The following SGTB variants were observed in gnomAD, a reference collection of about 807,000 sequenced individuals.
SGTB encodes small glutamine rich tetratricopeptide repeat co-chaperone beta.
In SGTB, 19 loss-of-function variants were observed where a neutral mutation model predicts 43.9. That is an observed-to-expected ratio of 0.43 (90% CI 0.30 to 0.63). SGTB has a LOEUF of 0.63. Among genes scored for constraint, SGTB ranks in the 30% least tolerant of loss-of-function variants. The pLI is 0.12. For missense variants in SGTB, 304 were observed against 358.9 expected (o/e 0.85, Z 1.24); for synonymous variants, 116 against 117.3 (o/e 0.99, Z 0.07).
chr5:65,713,123 T>G, intron 2 of SGTB, 59 bp from the exon 3 acceptor site: 1 of 1,305,800 alleles, frequency 7.7e-7, no homozygotes, highest in Non-Finnish European at 1.1e-6. Flanking sequence ...AAACAAGTTT[T>G]TTTTTTCTGA....
intron 4 of SGTB, 103 bp from the exon 5 acceptor site, chr5:65,704,481 C>T (rs886554795): frequency 1.7e-5 from 14 of 845,024 alleles, no homozygotes; most frequent in Admixed American, 3.8e-5. Context: ...ATATGAAAGT[C>T]GGCCTCATGA....
chr5:65,720,897 A>G, intron 1 of SGTB, 68 bp from the exon 2 acceptor site: 1 of 1,500,142 alleles, frequency 6.7e-7, no homozygotes, highest in Non-Finnish European at 9.0e-7. Flanking sequence ...GTCATAAATT[A>G]CAAAGATGAT....
At chr5:65,716,654 G>A (rs754758793) in intron 2 of SGTB, among the ~76,000 whole-genome samples, 34 of 152,266 alleles carry the variant, frequency 2.2e-4, no homozygotes, top group Non-Finnish European at 4.1e-4. Flanking sequence ...CAGAGATTGG[G>A]AAATTGCATA....
At chr5:65,711,278 T>A (rs1194372108) in intron 3 of SGTB, among the ~76,000 whole-genome samples, 3 of 150,816 alleles carry the variant, frequency 2.0e-5, no homozygotes, top group Non-Finnish European at 2.9e-5. Flanking sequence ...TATAATTAAA[T>A]GCAATCAGGG....
rs1490617896 is a variant in SGTB, at chr5:65,668,936, T to C, written c.*1310A>G. The C allele has an allele frequency of 1.3e-5, 2 of 152,050 alleles. No homozygotes were observed. Among genetic ancestry groups the C allele is most frequent in the Non-Finnish European group, 2.9e-5 (2 of 67,998 alleles). The allele number at this position is 152,050 out of a possible 1,614,324, so 9.4% of individuals were successfully genotyped here. ...ACCCCACAAAATTTATATTACTTCC[T>C]TTTTCAGTTTTCCCTCGTAAAACTT... On this transcript the variant is annotated 3_prime_UTR_variant, in exon 11 of 11. Coordinates refer to ENST00000381007, the MANE Select transcript of SGTB (RefSeq NM_019072.3).
chr5:65,671,136 T>G (rs556820494), intron 10 of SGTB, among the ~76,000 whole-genome samples: 1 of 152,308 alleles, frequency 6.6e-6, no homozygotes, highest in South Asian at 2.1e-4. Flanking sequence ...GTACCTAAAT[T>G]GATATATATT....
At chr5:65,681,157 T>C (rs747306972) in intron 6 of SGTB, among the ~76,000 whole-genome samples, 13 of 152,206 alleles carry the variant, frequency 8.5e-5, no homozygotes, top group African/African-American at 1.9e-4. Context: ...CATAAATCCA[T>C]GATGCTAACA....
intron 6 of SGTB, among the ~76,000 whole-genome samples, chr5:65,683,808 TG>T (rs1757446483): frequency 6.6e-6 from 1 of 151,948 alleles, no homozygotes; most frequent in South Asian, 2.1e-4. Flanking sequence ...TAGCTGGGCA[TG>T]GTGGCGGGTG....
rs979628710 is a variant in SGTB at position 65,670,100 on chromosome 5, A to G, written c.*146T>C. 1.6e-6 allele frequency: 1 copy of G among 612,874 alleles called. No individual in the cohort carries two copies. Among genetic ancestry groups the G allele is most frequent in the Non-Finnish European group, 2.8e-6 (1 of 357,274 alleles). The allele number at this position is 612,874 out of a possible 1,614,324, so 38.0% of individuals were successfully genotyped here. ...GTCTAAACAGATTTATTCTTTAAGA[A>G]TATACACAAGAGGTTTTCCTCCATT... On this transcript the variant is annotated 3_prime_UTR_variant, in exon 11 of 11. Transcript: ENST00000381007.
chr5:65,679,737 T>C (rs1454344088), intron 8 of SGTB, among the ~76,000 whole-genome samples: 5 of 152,198 alleles, frequency 3.3e-5, no homozygotes, highest in East Asian at 1.9e-4. Context: ...AGTTCAACCA[T>C]TGTGGAAGAC....
At chr5:65,687,760 T>C (rs903938386) in intron 5 of SGTB, among the ~76,000 whole-genome samples, 3 of 152,148 alleles carry the variant, frequency 2.0e-5, no homozygotes, top group African/African-American at 7.2e-5. Flanking sequence ...GGGAGTTTTT[T>C]GTTATTGTTG....
At position 65,668,824 on chromosome 5, in the gene SGTB, C is replaced by T. The variant is rs1295140450; in HGVS notation, c.*1422G>A. On this transcript the variant is annotated 3_prime_UTR_variant, in exon 11 of 11. Transcript: ENST00000381007. ...TTGGGAGCTTAAGGCTCGAGAATCA[C>T]TTGAATCCAGGAGGTGGAGGTTGCA... 1 of 151,976 alleles carries T rather than the reference C, an allele frequency of 6.6e-6. No homozygotes were observed. The highest frequency in any genetic ancestry group is 1.9e-4 in the East Asian group (1 of 5,186). 9.4% of individuals were successfully genotyped at this position (151,976 alleles called of 1,614,324 possible). A position where few individuals can be genotyped will look rare whatever the true frequency, so the allele number is the denominator to read the frequency against.
At chr5:65,679,859 C>T (rs75338894) in intron 8 of SGTB, among the ~76,000 whole-genome samples, 5,302 of 152,248 alleles carry the variant, frequency 0.035, 314 homozygotes, top group African/African-American at 0.12. Context: ...AATACACATT[C>T]GTACGTATGT....
chr5:65,693,403 G>T (rs1232322805), intron 5 of SGTB, among the ~76,000 whole-genome samples: 1 of 82,546 alleles, frequency 1.2e-5, no homozygotes, highest in African/African-American at 4.2e-5. Flanking sequence ...AGGAAAGAAG[G>T]AAGGAAGGAA....
rs567149662 is a variant in SGTB, at chr5:65,691,925, C to T, written c.375-6453G>A. Among the ~76,000 whole-genome samples the T allele has an allele frequency of 4.0e-4, 57 of 141,392 alleles. 1 individual carries two copies. The highest frequency in any genetic ancestry group is 1.1e-3 in the Admixed American group (15 of 13,966). 92.8% of individuals were successfully genotyped at this position (141,392 alleles called of 152,430 possible). On this transcript the variant is annotated intron_variant, in intron 5 of 10. Transcript: ENST00000381007. ...CAGCCTGGGTGACAGACCGAGACTT[C>T]GTCTTAAAGAAAAAAAAAAAAAAAA...
chr5:65,698,141 G>C (rs1757745976), intron 5 of SGTB, among the ~76,000 whole-genome samples: 1 of 152,082 alleles, frequency 6.6e-6, no homozygotes, highest in African/African-American at 2.4e-5. Context: ...GGCTAGGATG[G>C]TAATTTTCAA....
intron 5 of SGTB, among the ~76,000 whole-genome samples, chr5:65,699,412 T>TA (rs1263259601): frequency 3.3e-5 from 5 of 152,170 alleles, no homozygotes; most frequent in African/African-American, 1.2e-4. Context: ...AGATGAGAGA[T>TA]AAAAAACTAC....
intron 5 of SGTB, among the ~76,000 whole-genome samples, chr5:65,690,054 G>A (rs1757576057): frequency 6.9e-6 from 1 of 145,022 alleles, no homozygotes; most frequent in South Asian, 2.2e-4. Flanking sequence ...TATAGGATGT[G>A]TAACTTCCAA....
intron 5 of SGTB, among the ~76,000 whole-genome samples, chr5:65,698,152 T>C (rs1757747474): frequency 6.6e-6 from 1 of 152,190 alleles, no homozygotes; most frequent in African/African-American, 2.4e-5. Flanking sequence ...TAATTTTCAA[T>C]ATCTTGATAG....
Sources: allele counts gnomAD v4.1 joint callset (sites outside exome capture counted in the v4.1 genomes callset), GRCh38; gene constraint gnomAD v4.1.1; transcripts MANE v1.5; gene names NCBI Gene and HGNC (gene_info 2026-07-23, HGNC 2026-07-21).